VPS41: variants seen among roughly 807,000 people sequenced by gnomAD.
VPS41 encodes the protein VPS41 subunit of HOPS complex.
In VPS41, 85 loss-of-function variants were observed where a neutral mutation model predicts 130.9. The observed-to-expected ratio is 0.65, with a 90% CI of 0.55 to 0.78. The LOEUF (loss-of-function observed/expected upper bound fraction) is 0.78. Ranked by LOEUF, VPS41 falls within the 30% of genes least tolerant of loss-of-function variation. The probability of loss-of-function intolerance (pLI) is 0.00; values close to 1 mark genes in which losing one functional copy is unlikely to be tolerated. For missense variants in VPS41, 874 were observed against 1,018.7 expected (o/e 0.86, Z 1.93); for synonymous variants, 335 against 332.9 (o/e 1.01, Z -0.07).
At chr7:38,765,819 G>T (rs908266066) in intron 15 of VPS41, 158 bp from the exon 16 acceptor site, 8 of 523,760 alleles carry the variant, frequency 1.5e-5, no homozygotes, top group Admixed American at 1.5e-4. Context: ...CGAACATAAA[G>T]ATATTACTGT....
chr7:38,765,581 T>C lies in VPS41; in HGVS notation c.1328A>G (p.Lys443Arg). 1.3e-6 allele frequency: 2 copies of C among 1,588,724 alleles called. No homozygotes were observed. The highest frequency in any genetic ancestry group is 1.7e-6 in the Non-Finnish European group (2 of 1,167,410). ...AGTTAAAAATAAGGCTTTGCTTACC[T>C]TAAGCTGTCCAATTTCTTTAAATTT... is the stretch of plus-strand genomic sequence containing the variant. ...VYKFKEIGQL[K>R]AISPYLPRGD... The change falls in exon 16 of 29, where the codon AAG becomes AGG. Residue 443 changes from lysine to arginine, a missense_variant and splice_region_variant. Lys to Arg is a conservative substitution (Grantham distance 26, BLOSUM62 2). Transcript: ENST00000310301.
chr7:38,752,096 AAGAG>A, intron 22 of VPS41, 76 bp downstream of exon 22: 1 of 1,575,296 alleles, frequency 6.3e-7, no homozygotes, highest in Non-Finnish European at 8.7e-7. Flanking sequence ...CAGAGATAGA[AAGAG>A]AAGAAAGACA....
intron 2 of VPS41, among the ~76,000 whole-genome samples, chr7:38,874,155 T>G (rs540766058): frequency 6.6e-6 from 1 of 152,300 alleles, no homozygotes; most frequent in African/African-American, 2.4e-5. Flanking sequence ...TTCACATATA[T>G]TGGTACATTT....
intron 7 of VPS41, among the ~76,000 whole-genome samples, chr7:38,800,188 G>A (rs1407541753): frequency 6.6e-6 from 1 of 152,138 alleles, no homozygotes; most frequent in African/African-American, 2.4e-5. Context: ...CACACACAAT[G>A]AGTATGTATC....
At chr7:38,895,546 GC>G (rs1425711515) in intron 2 of VPS41, among the ~76,000 whole-genome samples, 1 of 152,076 alleles carries the variant, frequency 6.6e-6, no homozygotes, top group Admixed American at 6.5e-5. Context: ...TTCCTGGATA[GC>G]AGTAACAGAC....
chr7:38,727,431 T>A (rs1009257712), intron 27 of VPS41, among the ~76,000 whole-genome samples: 1 of 152,200 alleles, frequency 6.6e-6, no homozygotes, highest in Non-Finnish European at 1.5e-5. Flanking sequence ...TGACCTTGCA[T>A]TTTACTGCAC....
intron 4 of VPS41, among the ~76,000 whole-genome samples, chr7:38,838,378 A>T (rs1321298956): frequency 6.6e-6 from 1 of 152,226 alleles, no homozygotes; most frequent in Non-Finnish European, 1.5e-5. Context: ...AGAAACCATC[A>T]CATCTAAACA....
At chr7:38,848,917 C>CTAAGGAAAGAAAA (rs1397681373) in intron 4 of VPS41, among the ~76,000 whole-genome samples, 2 of 152,068 alleles carry the variant, frequency 1.3e-5, no homozygotes, top group Non-Finnish European at 2.9e-5. Flanking sequence ...TGGACAGGAG[C>CTAAGGAAAGAAAA]TAAGGAAAGA....
At chr7:38,732,691 T>C (rs976223688) in intron 25 of VPS41, among the ~76,000 whole-genome samples, 1 of 152,232 alleles carries the variant, frequency 6.6e-6, no homozygotes, top group Admixed American at 6.5e-5. Context: ...GATAGGGCTA[T>C]AATTTTCTCA....
At chr7:38,747,483 G>C (rs1796010560) in intron 22 of VPS41, among the ~76,000 whole-genome samples, 1 of 152,132 alleles carries the variant, frequency 6.6e-6, no homozygotes, top group African/African-American at 2.4e-5. Flanking sequence ...ATTATTAAAA[G>C]GTATCCATGA....
At chr7:38,767,505 T>G in intron 15 of VPS41, 32 bp downstream of exon 15, 1 of 1,504,806 alleles carries the variant, frequency 6.6e-7, no homozygotes, top group Non-Finnish European at 9.1e-7. Flanking sequence ...TCTATTTATA[T>G]TAACAAATAA....
At chr7:38,830,511 A>C (rs1785366375) in intron 4 of VPS41, among the ~76,000 whole-genome samples, 183 bp from the exon 5 acceptor site, 1 of 152,236 alleles carries the variant, frequency 6.6e-6, no homozygotes, top group African/African-American at 2.4e-5. Flanking sequence ...CGGCAGCTAC[A>C]ACATGAGCTT....
At chr7:38,808,767 C>G (rs942590212) in intron 7 of VPS41, among the ~76,000 whole-genome samples, 2 of 152,122 alleles carry the variant, frequency 1.3e-5, no homozygotes, top group African/African-American at 4.8e-5. Flanking sequence ...TGTCAAAACC[C>G]TTCTAGCCAC....
intron 4 of VPS41, among the ~76,000 whole-genome samples, chr7:38,845,419 C>G (rs913829613): frequency 1.3e-5 from 2 of 152,198 alleles, no homozygotes; most frequent in African/African-American, 4.8e-5. Flanking sequence ...AGATAGTCAC[C>G]TTCCGGGATG....
At chr7:38,878,713 A>G (rs748776136) in intron 2 of VPS41, among the ~76,000 whole-genome samples, 17 of 152,228 alleles carry the variant, frequency 1.1e-4, no homozygotes, top group Non-Finnish European at 1.9e-4. Flanking sequence ...GACAGCATTT[A>G]TAAAGTTCAA....
intron 4 of VPS41, among the ~76,000 whole-genome samples, chr7:38,848,140 T>C (rs973793844): frequency 6.6e-6 from 1 of 152,186 alleles, no homozygotes; most frequent in Non-Finnish European, 1.5e-5. Context: ...CTCAAAACTT[T>C]TCAAAAGAAG....
intron 25 of VPS41, among the ~76,000 whole-genome samples, chr7:38,733,399 T>C (rs1445337465): frequency 6.6e-6 from 1 of 152,238 alleles, no homozygotes; most frequent in African/African-American, 2.4e-5. Flanking sequence ...ACGGTTATGC[T>C]GGTTGTTTCC....
intron 2 of VPS41, among the ~76,000 whole-genome samples, chr7:38,884,536 G>A (rs1786679990): frequency 1.3e-5 from 2 of 151,864 alleles, no homozygotes; most frequent in Admixed American, 1.3e-4. Flanking sequence ...TGCTTTTTTT[G>A]TAGAGAGGAA....
At position 38,831,996 on chromosome 7, in the gene VPS41, G is replaced by GT. The variant is rs538722015; in HGVS notation, c.247-1669dup. On this transcript the variant is annotated intron_variant, in intron 4 of 28. Transcript: ENST00000310301. ...ACGTACCTCTATTAGCAATAGAAGGGTTTTTTTTCACTTTTTTTTCTGCCA... is the reference window on the plus strand; with the variant it reads ...ACGTACCTCTATTAGCAATAGAAGGGTTTTTTTTTCACTTTTTTTTCTGCCA... 9.4e-4 allele frequency among the ~76,000 whole-genome samples: 142 copies of GT among 151,662 alleles called. 1 individual carries two copies. Among genetic ancestry groups the GT allele is most frequent in the African/African-American group, 3.1e-3 (128 of 41,310 alleles).
Sources: allele counts gnomAD v4.1 joint callset (sites outside exome capture counted in the v4.1 genomes callset), GRCh38; gene constraint gnomAD v4.1.1; transcripts MANE v1.5; gene names NCBI Gene and HGNC (gene_info 2026-07-23, HGNC 2026-07-21).